The following CARM1 variants were observed in gnomAD, a reference collection of about 807,000 sequenced individuals.
CARM1 encodes histone-arginine methyltransferase CARM1.
CARM1 carries 14 observed loss-of-function variants against 72.7 expected under a neutral mutation model. The observed-to-expected ratio is 0.19, with a 90% CI of 0.13 to 0.30. CARM1 has a LOEUF of 0.30. Among genes scored for constraint, CARM1 ranks in the 10% least tolerant of loss-of-function variants. CARM1 has a pLI of 1.00. For synonymous variants in CARM1, 333 were observed against 345.5 expected (o/e 0.96, Z 0.40); for missense variants, 432 against 833.7 (o/e 0.52, Z 5.93).
In CARM1 at chr19:10,915,369, C is replaced by T. The variant is rs145808310; in HGVS notation, c.848-1038C>T. ...CTCTGTGGGCAGCTGCATGTGCCCC[C>T]GACGTCCCAGCAGCCAGCTTGCAGG... is the stretch of plus-strand genomic sequence containing the variant. On this transcript the variant is annotated intron_variant, in intron 6 of 15. Transcript: ENST00000327064. The surrounding 1 kb of genome is among the most constrained non-coding windows in gnomAD (Gnocchi z 4.6). Among the ~76,000 whole-genome samples the T allele has an allele frequency of 2.6e-4, 40 of 152,232 alleles. No individual in the cohort carries two copies. Among genetic ancestry groups the T allele is most frequent in the African/African-American group, 8.4e-4 (35 of 41,528 alleles).
chr19:10,887,074 A>T (rs1054830295), intron 1 of CARM1, among the ~76,000 whole-genome samples: 2 of 152,188 alleles, frequency 1.3e-5, no homozygotes, highest in African/African-American at 4.8e-5. Context: ...GAGGAAACTG[A>T]GGCACTAAAA....
chr19:10,905,932 T>C (rs910820158), intron 2 of CARM1, among the ~76,000 whole-genome samples: 61 of 131,948 alleles, frequency 4.6e-4, no homozygotes, highest in Middle Eastern at 9.3e-3. Flanking sequence ...TGAGCCACCG[T>C]GCCCGGCCCC....
rs2073977705 is a variant in CARM1, at chr19:10,890,672, CG to C, written c.221-14278del. On this transcript the variant is annotated intron_variant, in intron 1 of 15. Transcript: ENST00000327064. Reference sequence around the variant, plus strand: ...ATGTATATACGTATATATGTGTATACGTATATACATATATACACACATATAT... The same window carrying C: ...ATGTATATACGTATATATGTGTATACTATATACATATATACACACATATAT... Among the ~76,000 whole-genome samples the C allele has an allele frequency of 2.0e-5, 3 of 147,478 alleles. No individual in the cohort carries two copies. In the Admixed American group the frequency reaches 2.1e-4, roughly 10 times the overall value.
chr19:10,891,656 G>A (rs555841671), intron 1 of CARM1, among the ~76,000 whole-genome samples: 95 of 152,344 alleles, frequency 6.2e-4, no homozygotes, highest in Admixed American at 3.5e-3. Context: ...TCTAGGGAGG[G>A]GCCCAGATAA....
At chr19:10,913,703 G>C (rs2074172501) in intron 5 of CARM1, among the ~76,000 whole-genome samples, 174 bp from the exon 6 acceptor site, 3 of 152,192 alleles carry the variant, frequency 2.0e-5, no homozygotes, top group Admixed American at 2.0e-4. Context: ...CCGGCCCACA[G>C]TGAGCTCTTA....
At chr19:10,875,878 CTT>C (rs201617757) in intron 1 of CARM1, among the ~76,000 whole-genome samples, 10 of 140,190 alleles carry the variant, frequency 7.1e-5, no homozygotes, top group Middle Eastern at 3.9e-3. Flanking sequence ...GGATGTCTGT[CTT>C]TTTTTTTTTT....
intron 2 of CARM1, among the ~76,000 whole-genome samples, chr19:10,905,439 GT>G (rs759715689): frequency 1.3e-5 from 2 of 152,180 alleles, no homozygotes; most frequent in Admixed American, 6.5e-5. Context: ...GGCAGGAAGA[GT>G]TTGCTCAGGG....
At chr19:10,894,216 C>G (rs1376694825) in intron 1 of CARM1, among the ~76,000 whole-genome samples, 2 of 152,198 alleles carry the variant, frequency 1.3e-5, no homozygotes, top group Non-Finnish European at 2.9e-5. Flanking sequence ...CCTCACTGCC[C>G]TGCTGGGTGC....
chr19:10,907,774 G>A (rs934652065), intron 2 of CARM1, among the ~76,000 whole-genome samples: 1 of 152,192 alleles, frequency 6.6e-6, no homozygotes, highest in Non-Finnish European at 1.5e-5. Flanking sequence ...CTTTGGTGAG[G>A]AATCCCCAGG....
At chr19:10,905,781 G>A (rs563128765) in intron 2 of CARM1, among the ~76,000 whole-genome samples, 4 of 151,506 alleles carry the variant, frequency 2.6e-5, no homozygotes, top group Non-Finnish European at 5.9e-5. Context: ...CTGAGCCCTC[G>A]GGGCCAGCTG....
rs200872777 is a variant in CARM1 at position 10,920,502 on chromosome 19, G to A, written c.1263G>A (p.Leu421=). The A allele has an allele frequency of 4.3e-6, 7 of 1,613,848 alleles. No homozygotes were observed. The highest frequency in any genetic ancestry group is 2.7e-5 in the African/African-American group (2 of 74,874). ...PLTHWYQVRC[L]FQSPLFAKAG... ...CCCACTGGTACCAGGTGCGGTGCCT[G>A]TTCCAGTCACCACTGTTCGCCAAGG... is the stretch of plus-strand genomic sequence containing the variant. The change falls in exon 11 of 16, where the codon CTG becomes CTA. Residue 421 remains leucine (L), a synonymous_variant. Transcript: ENST00000327064. The surrounding 1 kb of genome is among the most constrained non-coding windows in gnomAD (Gnocchi z 5.3).
Position 10,921,885 on chromosome 19 carries a change from G to C in CARM1, c.*128G>C. 5 of 932,120 alleles carry C rather than the reference G, an allele frequency of 5.4e-6. No individual in the cohort carries two copies. The South Asian group carries it at 8.5e-5, about 16-fold the overall frequency. The allele number at this position is 932,120 out of a possible 1,614,324, so 57.7% of individuals were successfully genotyped here. A position where few individuals can be genotyped will look rare whatever the true frequency, so the allele number is the denominator to read the frequency against. ...CCGGTCACAGCTCTCTTTGCTATGG[G>C]AACTGGGACACTTTTTTACACGATG... On this transcript the variant is annotated 3_prime_UTR_variant, in exon 16 of 16. Transcript: ENST00000327064.
At chr19:10,913,246 C>T (rs2074168169) in intron 5 of CARM1, among the ~76,000 whole-genome samples, 1 of 152,046 alleles carries the variant, frequency 6.6e-6, no homozygotes, top group Admixed American at 6.6e-5. Context: ...CTGGGATCCA[C>T]CACTGCAACT....
rs779941231 is a variant in CARM1, at chr19:10,908,008, G to GC, written c.347-25dup. 6 of 1,453,188 alleles carry GC rather than the reference G, an allele frequency of 4.1e-6. No homozygotes were observed. In the African/African-American group the frequency reaches 4.2e-5, roughly 10 times the overall value. The allele number at this position is 1,453,188 out of a possible 1,614,324, so 90.0% of individuals were successfully genotyped here. A position where few individuals can be genotyped will look rare whatever the true frequency, so the allele number is the denominator to read the frequency against. ...ATGGCCACATGCTGGGTTGCTGACCGCCCCCCGGTGACTTGGCTTCCCTGT... is the reference window on the plus strand; with the variant it reads ...ATGGCCACATGCTGGGTTGCTGACCGCCCCCCCGGTGACTTGGCTTCCCTGT... On this transcript the variant is annotated intron_variant, in intron 2 of 15. Coordinates refer to ENST00000327064, the MANE Select transcript of CARM1 (RefSeq NM_199141.2).
At chr19:10,877,734 T>C (rs989766555) in intron 1 of CARM1, among the ~76,000 whole-genome samples, 2 of 152,066 alleles carry the variant, frequency 1.3e-5, no homozygotes, top group Non-Finnish European at 2.9e-5. Flanking sequence ...TGTTTTATTA[T>C]TTATTTATTT....
chr19:10,893,003 G>A (rs1233740784), intron 1 of CARM1, among the ~76,000 whole-genome samples: 1 of 152,026 alleles, frequency 6.6e-6, no homozygotes, highest in Non-Finnish European at 1.5e-5. Flanking sequence ...CCAAAGTGGT[G>A]GGATTACAGG....
At chr19:10,891,498 G>T (rs2073987449) in intron 1 of CARM1, among the ~76,000 whole-genome samples, 2 of 152,140 alleles carry the variant, frequency 1.3e-5, no homozygotes, top group Non-Finnish European at 2.9e-5. Flanking sequence ...GGCTTGTTCT[G>T]GGAGATTCCA....
In CARM1 at chr19:10,871,890, G is replaced by A; in HGVS notation, c.188G>A (p.Gly63Asp). Residue 63 changes from glycine (G) to aspartate (D), a missense_variant, in exon 1 of 16, where the codon GGC becomes GAC. By Grantham distance (94) the Gly-to-Asp change is moderately conservative. Coordinates refer to ENST00000327064, the MANE Select transcript of CARM1 (RefSeq NM_199141.2). This position sits in a 1 kb window ranked among gnomAD's most constrained non-coding sequence, Gnocchi z 5.6. Reference sequence around the variant, plus strand: ...GCGCTGCGCCTCGAGGTGCGCGCCGGCCCGGACTCGGCGGGCATCGCCCTC... The same window carrying A: ...GCGCTGCGCCTCGAGGTGCGCGCCGACCCGGACTCGGCGGGCATCGCCCTC... The part of the protein sequence containing the change: ...QQALRLEVRA[G>D]PDSAGIALYS... The A allele has an allele frequency of 1.6e-6, 2 of 1,239,274 alleles. No individual in the cohort carries two copies. The highest frequency in any genetic ancestry group is 2.0e-6 in the Non-Finnish European group (2 of 987,864). 76.8% of individuals were successfully genotyped at this position (1,239,274 alleles called of 1,614,324 possible).
rs1442497613 is a variant in CARM1 at position 10,871,919 on chromosome 19, A to T, written c.217A>T (p.Ser73Cys). ...GGACTCGGCGGGCATCGCCCTCTAC[A>T]GCCGTGAGTACGGGGCCCCGGGGCA... Reference protein sequence around the residue: ...GPDSAGIALYSHEDVCVFKCS... With the variant: ...GPDSAGIALYCHEDVCVFKCS... The change falls in exon 1 of 16, where the codon AGC becomes TGC. Residue 73 changes from serine to cysteine, a missense_variant. Ser to Cys is a moderately radical substitution (Grantham distance 112, BLOSUM62 -1). Coordinates refer to ENST00000327064, the MANE Select transcript of CARM1 (RefSeq NM_199141.2). The surrounding 1 kb of genome is among the most constrained non-coding windows in gnomAD (Gnocchi z 5.6). The T allele has an allele frequency of 8.4e-7, 1 of 1,194,676 alleles. No individual in the cohort carries two copies. Among genetic ancestry groups the T allele is most frequent in the African/African-American group, 1.6e-5 (1 of 62,134 alleles). The allele number at this position is 1,194,676 out of a possible 1,614,324, so 74.0% of individuals were successfully genotyped here.
Sources: allele counts gnomAD v4.1 joint callset (sites outside exome capture counted in the v4.1 genomes callset), GRCh38; gene constraint gnomAD v4.1.1; non-coding constraint Gnocchi (gnomAD v3.1); transcripts MANE v1.5; gene names NCBI Gene and HGNC (gene_info 2026-07-23, HGNC 2026-07-21).